ADAMTS16: variants seen among roughly 807,000 people sequenced by gnomAD.
ADAMTS16 encodes the protein A disintegrin and metalloproteinase with thrombospondin motifs 16.
ADAMTS16 carries 94 observed loss-of-function variants against 145.8 expected under a neutral mutation model. The observed-to-expected ratio is 0.64, with a 90% CI of 0.55 to 0.77. The LOEUF is 0.77. Among genes scored for constraint, ADAMTS16 ranks in the 30% least tolerant of loss-of-function variants. The probability of loss-of-function intolerance (pLI) is 0.00; values close to 1 mark genes in which losing one functional copy is unlikely to be tolerated. For missense variants in ADAMTS16, 1,585 were observed against 1,591.5 expected (o/e 1.00, Z 0.07); for synonymous variants, 659 against 604.3 (o/e 1.09, Z -1.33).
At chr5:5,279,935 TTTC>T (rs938865244) in intron 18 of ADAMTS16, among the ~76,000 whole-genome samples, 15 of 142,698 alleles carry the variant, frequency 1.1e-4, no homozygotes, top group African/African-American at 3.7e-4. Context: ...TTTTTCTTTC[TTTC>T]TTTCTTTTTC....
chr5:5,186,278 A>C (rs1735495067), intron 5 of ADAMTS16, 27 bp downstream of exon 5: 1 of 1,598,102 alleles, frequency 6.3e-7, no homozygotes, highest in Non-Finnish European at 8.5e-7. Flanking sequence ...AGTTGAGGCC[A>C]CCTGTGTCAT....
In ADAMTS16 at chr5:5,319,380, G is replaced by A; in HGVS notation, c.*242G>A. ...GAAATGTGGCACCCTGGCAGACAGA[G>A]CTGTGGCTCGTGAGGCAGAAGGCAG... On this transcript the variant is annotated 3_prime_UTR_variant, in exon 23 of 23. Transcript: ENST00000274181. The A allele has an allele frequency of 2.0e-6, 1 of 506,872 alleles. No homozygotes were observed. The highest frequency in any genetic ancestry group is 3.6e-6 in the Non-Finnish European group (1 of 280,574). 31.4% of individuals were successfully genotyped at this position (506,872 alleles called of 1,614,324 possible).
chr5:5,232,096 G>A (rs1282127782), intron 11 of ADAMTS16, among the ~76,000 whole-genome samples: 2 of 152,046 alleles, frequency 1.3e-5, no homozygotes, highest in East Asian at 3.9e-4. Context: ...CATTAAAAGT[G>A]TCAAGTTTCC....
chr5:5,261,489 C>CT lies in ADAMTS16; in HGVS notation c.2663-1150dup, dbSNP rs10719029. 5.8e-3 allele frequency among the ~76,000 whole-genome samples: 609 copies of CT among 105,502 alleles called. 7 individuals carry two copies. The highest frequency in any genetic ancestry group is 0.018 in the African/African-American group (522 of 28,494). 69.2% of individuals were successfully genotyped at this position (105,502 alleles called of 152,430 possible). On this transcript the variant is annotated intron_variant, in intron 17 of 22. Transcript: ENST00000274181. ...TCAAAGTGTCTTTTAGTTATAGCCT[C>CT]TTTTTTTTTTTTTTTTTTGTCAGAG...
intron 17 of ADAMTS16, among the ~76,000 whole-genome samples, chr5:5,251,109 T>C (rs1441790101): frequency 6.6e-6 from 1 of 152,194 alleles, no homozygotes; most frequent in Non-Finnish European, 1.5e-5. Flanking sequence ...GTTTTGGGCA[T>C]GTTTTTCATT....
chr5:5,241,158 G>A (rs35061588), intron 16 of ADAMTS16, among the ~76,000 whole-genome samples: 19,783 of 152,082 alleles, frequency 0.13, 1,632 homozygotes, highest in Middle Eastern at 0.18. Flanking sequence ...TCAGGGGAGG[G>A]TGAGGATCTT....
At chr5:5,159,520 T>G (rs1734689032) in intron 3 of ADAMTS16, among the ~76,000 whole-genome samples, 1 of 152,162 alleles carries the variant, frequency 6.6e-6, no homozygotes, top group Non-Finnish European at 1.5e-5. Flanking sequence ...CACTCATTAT[T>G]GAACTGTGTA....
chr5:5,251,894 T>C (rs1322143481), intron 17 of ADAMTS16, among the ~76,000 whole-genome samples: 1 of 152,054 alleles, frequency 6.6e-6, no homozygotes, highest in Non-Finnish European at 1.5e-5. Context: ...TCTCACTCTG[T>C]CACCCAGGCT....
At chr5:5,316,197 C>T (rs1734050427) in intron 21 of ADAMTS16, among the ~76,000 whole-genome samples, 2 of 152,216 alleles carry the variant, frequency 1.3e-5, no homozygotes, top group African/African-American at 2.4e-5. Flanking sequence ...GATGCCTTCA[C>T]TTGCTGGAAT....
chr5:5,286,169 C>A (rs899264427), intron 18 of ADAMTS16, among the ~76,000 whole-genome samples: 1 of 152,290 alleles, frequency 6.6e-6, no homozygotes, highest in East Asian at 1.9e-4. Flanking sequence ...CCTTTCTCTA[C>A]CCCCAACTCA....
chr5:5,294,814 CA>C (rs886953833), intron 18 of ADAMTS16, among the ~76,000 whole-genome samples: 4 of 152,044 alleles, frequency 2.6e-5, no homozygotes, highest in African/African-American at 9.7e-5. Flanking sequence ...ACAGGAAGGG[CA>C]GGTGACAGGA....
chr5:5,189,528 T>C (rs1735599355), intron 6 of ADAMTS16, among the ~76,000 whole-genome samples: 1 of 152,230 alleles, frequency 6.6e-6, no homozygotes, highest in Non-Finnish European at 1.5e-5. Flanking sequence ...AAAAGACTTA[T>C]TTATTGGAAA....
chr5:5,141,884 A>G (rs897223925), intron 2 of ADAMTS16, among the ~76,000 whole-genome samples: 2 of 118,588 alleles, frequency 1.7e-5, no homozygotes, highest in African/African-American at 6.9e-5. Context: ...CAAATGATAT[A>G]AAATGTTAAA....
At chr5:5,289,524 T>C (rs1331472693) in intron 18 of ADAMTS16, among the ~76,000 whole-genome samples, 1 of 152,254 alleles carries the variant, frequency 6.6e-6, no homozygotes, top group Non-Finnish European at 1.5e-5. Flanking sequence ...AGGCTCAACA[T>C]AGGTATCAAA....
chr5:5,179,670 G>A (rs899457129), intron 3 of ADAMTS16, among the ~76,000 whole-genome samples: 1 of 152,318 alleles, frequency 6.6e-6, no homozygotes, highest in African/African-American at 2.4e-5. Flanking sequence ...AGGCCAAGAA[G>A]GTTCCGAAGT....
intron 10 of ADAMTS16, among the ~76,000 whole-genome samples, chr5:5,209,541 G>A (rs549538588): frequency 6.6e-6 from 1 of 152,204 alleles, no homozygotes; most frequent in Non-Finnish European, 1.5e-5. Flanking sequence ...AGTGTAAGTT[G>A]GCAAATTAAT....
rs771987932 is a variant in ADAMTS16, at chr5:5,303,261, TG to T, written c.2790-6del. On this transcript the variant is annotated splice_region_variant and splice_polypyrimidine_tract_variant and intron_variant, in intron 18 of 22. Transcript: ENST00000274181. ...TCCCTCACCGAGGTCTCTTTGTCCC[TG>T]CCCAGCTGGTCCGTGGGGAACTGGA... 6.4e-7 allele frequency: 1 copy of T among 1,551,032 alleles called. No homozygotes were observed.
chr5:5,276,049 G>C (rs1738678918), intron 18 of ADAMTS16, among the ~76,000 whole-genome samples: 2 of 151,984 alleles, frequency 1.3e-5, no homozygotes, highest in Admixed American at 1.3e-4. Flanking sequence ...AGTAGAGAAG[G>C]GGTTTTGCCA....
intron 18 of ADAMTS16, among the ~76,000 whole-genome samples, chr5:5,294,138 C>A (rs1025969323): frequency 6.6e-6 from 1 of 152,306 alleles, no homozygotes; most frequent in African/African-American, 2.4e-5. Context: ...GACTTAGAAG[C>A]TAGGGGACAA....
Sources: allele counts gnomAD v4.1 joint callset (sites outside exome capture counted in the v4.1 genomes callset), GRCh38; gene constraint gnomAD v4.1.1; transcripts MANE v1.5; gene names NCBI Gene and HGNC (gene_info 2026-07-23, HGNC 2026-07-21).